Variants in WAC observed in about 807,000 individuals in gnomAD.
WAC encodes the protein WW domain containing adaptor with coiled-coil, also known as WW domain-containing adapter protein with coiled-coil.
A neutral mutation model predicts 79.6 loss-of-function variants in WAC; 11 were observed. The ratio of observed to expected loss-of-function variants is 0.14; its 90% CI spans 0.09 to 0.23. WAC has a LOEUF of 0.23. Among genes scored for constraint, WAC ranks in the 10% least tolerant of loss-of-function variants. The probability of loss-of-function intolerance (pLI) is 1.00; values close to 1 mark genes in which losing one functional copy is unlikely to be tolerated. For missense variants in WAC, 728 were observed against 773.5 expected, an observed-to-expected ratio of 0.94 and a Z score of 0.70; for synonymous variants, 304 against 276.9, an observed-to-expected ratio of 1.10 and a Z score of -0.97.
At position 28,622,703 on chromosome 10, in the gene WAC, A is replaced by G. The variant is rs1340183271; in HGVS notation, c.*3097A>G. The G allele has an allele frequency of 6.6e-6, 1 of 152,122 alleles. No individual in the cohort carries two copies. Among genetic ancestry groups the G allele is most frequent in the East Asian group, 1.9e-4 (1 of 5,192 alleles). 9.4% of individuals were successfully genotyped at this position (152,122 alleles called of 1,614,324 possible). A position where few individuals can be genotyped will look rare whatever the true frequency, so the allele number is the denominator to read the frequency against. On this transcript the variant is annotated 3_prime_UTR_variant, in exon 14 of 14. Coordinates refer to ENST00000354911, the MANE Select transcript of WAC (RefSeq NM_016628.5). ...TTTTTCTTCTAAATCTTTGTTTCAC[A>G]CTTGTAAAATCTTGGGAAGGAGGTT...
Position 28,614,684 on chromosome 10 carries a change from A to G in WAC, c.1555A>G (p.Ser519Gly). 2 of 1,611,714 alleles carry G rather than the reference A, an allele frequency of 1.2e-6. No homozygotes were observed. The highest frequency in any genetic ancestry group is 1.7e-6 in the Non-Finnish European group (2 of 1,177,928). ...PVSPRSLQRS[S>G]SQRSPSPGPN... ...CTCTCCTCGAAGTCTTCAGCGCTCA[A>G]GGTAGGTTGATATTGTATATTGAGA... The change falls in exon 11 of 14, where the codon AGT becomes GGT. Residue 519 changes from serine (S) to glycine (G), a missense_variant and splice_region_variant. Physicochemically the swap from Ser to Gly is moderately conservative, Grantham distance 56 (BLOSUM62 0). Transcript: ENST00000354911.
Position 28,616,368 on chromosome 10 carries a change from T to C in WAC, c.1746+6T>C. On this transcript the variant is annotated splice_donor_region_variant and intron_variant, in intron 12 of 13. Transcript: ENST00000354911. ...CAGATCATGCAGAGAAGCAGGTATG[T>C]TATGTACAGCCTAGATTTTACCTTT... The C allele has an allele frequency of 6.3e-7, 1 of 1,588,430 alleles. No individual in the cohort carries two copies. The highest frequency in any genetic ancestry group is 1.1e-5 in the South Asian group (1 of 88,758).
At position 28,556,798 on chromosome 10, in the gene WAC, C is replaced by T. The variant is rs563301568; in HGVS notation, c.274+21041C>T. Among the ~76,000 whole-genome samples, 5 of 152,210 alleles carry T rather than the reference C, an allele frequency of 3.3e-5. No individual in the cohort carries two copies. The East Asian group carries it at 7.7e-4, about 23-fold the overall frequency. On this transcript the variant is annotated intron_variant, in intron 3 of 13. Transcript: ENST00000354911. ...GCGTGCGGCTATCCAGTTTTCCCAGCAACATTTTTTGAAGAGGCTTTCCAT... is the reference window on the plus strand; with the variant it reads ...GCGTGCGGCTATCCAGTTTTCCCAGTAACATTTTTTGAAGAGGCTTTCCAT...
At chr10:28,535,530 C>T (rs1836599391) in intron 2 of WAC, 32 bp from the exon 3 acceptor site, 1 of 1,523,392 alleles carries the variant, frequency 6.6e-7, no homozygotes, top group Non-Finnish European at 8.8e-7. Flanking sequence ...TCAATTCTTT[C>T]TCTCTTTTTT....
intron 3 of WAC, chr10:28,537,812 C>G (rs1836763518): frequency 6.6e-6 from 1 of 152,156 alleles, no homozygotes; most frequent in Non-Finnish European, 1.5e-5. Context: ...TGTATGAACT[C>G]CAGGTACTTG....
intron 3 of WAC, among the ~76,000 whole-genome samples, chr10:28,542,770 T>C (rs2132359098): frequency 6.6e-6 from 1 of 152,354 alleles, no homozygotes; most frequent in South Asian, 2.1e-4. Flanking sequence ...AGCTAGTGTT[T>C]CTCACAGGTG....
chr10:28,580,554 T>A (rs1299256874), intron 3 of WAC, among the ~76,000 whole-genome samples: 2 of 152,216 alleles, frequency 1.3e-5, no homozygotes, highest in Non-Finnish European at 2.9e-5. Context: ...TAACCCAGGC[T>A]TTTTAATGGA....
intron 3 of WAC, among the ~76,000 whole-genome samples, chr10:28,543,152 C>T (rs1456147919): frequency 6.6e-6 from 1 of 152,124 alleles, no homozygotes; most frequent in Non-Finnish European, 1.5e-5. Context: ...TGGGGTGGGT[C>T]CCAAAGATCT....
intron 4 of WAC, chr10:28,588,686 G>T (rs560874882): frequency 6.6e-6 from 1 of 152,094 alleles, no homozygotes; most frequent in South Asian, 2.1e-4. Flanking sequence ...TGATAGTATA[G>T]TACATTATTT....
chr10:28,604,512 A>C (rs1161863011), intron 7 of WAC, among the ~76,000 whole-genome samples: 1 of 152,120 alleles, frequency 6.6e-6, no homozygotes, highest in Non-Finnish European at 1.5e-5. Flanking sequence ...TGAACAGATC[A>C]GTTGAGGCCA....
intron 4 of WAC, among the ~76,000 whole-genome samples, chr10:28,586,337 A>G (rs1045018647): frequency 9.9e-5 from 15 of 152,148 alleles, no homozygotes; most frequent in Admixed American, 9.2e-4. Flanking sequence ...AGCCTGGCTT[A>G]TGGTAAAGAT....
At chr10:28,558,203 T>C (rs1025057394) in intron 3 of WAC, among the ~76,000 whole-genome samples, 4 of 152,212 alleles carry the variant, frequency 2.6e-5, no homozygotes, top group African/African-American at 4.8e-5. Context: ...GAGAAAACTT[T>C]GTGAAATTAT....
At chr10:28,547,943 A>T (rs367706869) in intron 3 of WAC, among the ~76,000 whole-genome samples, 2 of 125,578 alleles carry the variant, frequency 1.6e-5, no homozygotes, top group Non-Finnish European at 1.6e-5. Context: ...TCTTTGAGAG[A>T]GAGTTTCGCT....
chr10:28,611,436 G>C (rs1188881527), intron 9 of WAC: 1 of 1,316,856 alleles, frequency 7.6e-7, no homozygotes, highest in Non-Finnish European at 9.9e-7. Flanking sequence ...AGACTGCGTG[G>C]GATACCTGGG....
At chr10:28,557,233 T>A (rs1838046670) in intron 3 of WAC, among the ~76,000 whole-genome samples, 2 of 152,302 alleles carry the variant, frequency 1.3e-5, no homozygotes, top group South Asian at 4.1e-4. Context: ...CTTGTAATAT[T>A]GACTAATAAA....
intron 3 of WAC, among the ~76,000 whole-genome samples, chr10:28,570,551 CT>C (rs1838891360): frequency 6.6e-6 from 1 of 152,286 alleles, no homozygotes; most frequent in African/African-American, 2.4e-5. Flanking sequence ...AGCAGCTCTG[CT>C]TTTAAGTATT....
intron 2 of WAC, chr10:28,534,372 T>C (rs1040867917): frequency 7.1e-6 from 2 of 281,310 alleles, no homozygotes; most frequent in South Asian, 2.5e-4. Flanking sequence ...TATTTATTTA[T>C]TTATTGTGTT....
intron 3 of WAC, among the ~76,000 whole-genome samples, chr10:28,556,515 C>T (rs1209661824): frequency 1.4e-5 from 2 of 139,518 alleles, no homozygotes; most frequent in East Asian, 4.5e-4. Flanking sequence ...GTTGTTTTTT[C>T]GTTTTGTTGA....
chr10:28,591,803 C>G (rs1204201212), intron 6 of WAC: 1 of 140,708 alleles, frequency 7.1e-6, no homozygotes, highest in Non-Finnish European at 1.5e-5. Flanking sequence ...CCACTGCACT[C>G]TAGCCTGGCA....
Sources: allele counts gnomAD v4.1 joint callset (sites outside exome capture counted in the v4.1 genomes callset), GRCh38; gene constraint gnomAD v4.1.1; transcripts MANE v1.5; gene names NCBI Gene and HGNC (gene_info 2026-07-23, HGNC 2026-07-21).